MACF1: variants seen among roughly 807,000 people sequenced by gnomAD.
MACF1 encodes the protein microtubule actin crosslinking factor 1, also known as microtubule-actin cross-linking factor 1.
MACF1 carries 193 observed loss-of-function variants against 854.8 expected under a neutral mutation model. The observed-to-expected ratio is 0.23, with a 90% CI of 0.20 to 0.25. The LOEUF (loss-of-function observed/expected upper bound fraction) is 0.25, where lower values mean the gene tolerates loss of function less well. Ranked by LOEUF, MACF1 falls within the 10% of genes least tolerant of loss-of-function variation. The pLI is 1.00. For missense variants in MACF1, 7,722 were observed against 8,929.1 expected (o/e 0.86, Z 5.45); for synonymous variants, 3,185 against 3,226.7 (o/e 0.99, Z 0.44).
rs372689381 is a variant in MACF1 at position 39,334,868 on chromosome 1, A to G, written c.8280A>G (p.Gln2760=). ...LISPELANMI[Q]IDSSEFSDHR... ...GCCCTGAACTGGCAAATATGATCCA[A>G]ATAGATAGTTCAGAGTTCAGCGATC... is the stretch of plus-strand genomic sequence containing the variant. The change falls in exon 37 of 101, where the codon CAA becomes CAG. Residue 2760 remains glutamine (Q), a synonymous_variant. Coordinates refer to ENST00000564288, the MANE Select transcript of MACF1 (RefSeq NM_001394062.1). 16 of 1,614,088 alleles carry G rather than the reference A, an allele frequency of 9.9e-6. No individual in the cohort carries two copies. Among genetic ancestry groups the G allele is most frequent in the Admixed American group, 6.7e-5 (4 of 60,004 alleles).
At chr1:39,133,942 C>T (rs472310) in intron 2 of MACF1, among the ~76,000 whole-genome samples, 143,648 of 152,008 alleles carry the variant, frequency 0.95, 67,950 homozygotes, top group East Asian at 1. Context: ...TTTGTGAATA[C>T]TACGAACAGC....
In MACF1 at chr1:39,310,248, C is replaced by G. The variant is rs1646273803; in HGVS notation, c.2920C>G (p.Arg974Gly). The change falls in exon 25 of 101, where the codon CGA (arginine) becomes GGA (glycine). Residue 974 changes from arginine to glycine, a missense_variant. Arg to Gly is a moderately radical substitution (Grantham distance 125). Transcript: ENST00000564288. ...TCTTCTGGCTTTTTCTTTCTAGCTT[C>G]GATCCTCAGCACCAGGGGAGTGCCA... ...LVQTWNLEKL[R>G]SSAPGECHQI... 1 of 1,604,422 alleles carries G rather than the reference C, an allele frequency of 6.2e-7. No homozygotes were observed. The highest frequency in any genetic ancestry group is 2.2e-5 in the East Asian group (1 of 44,768).
Position 39,361,624 on chromosome 1 carries a change from G to T in MACF1, c.12718G>T (p.Ala4240Ser). ...QFMENKSRML[A>S]SGNQPDQDIT... ...CATGGAAAACAAAAGTCGGATGCTG[G>T]CCTCTGGAAATCAGCCAGATCAAGA... Residue 4240 changes from alanine (A) to serine (S), a missense_variant, in exon 49 of 101, where the codon GCC becomes TCC. Ala to Ser is a moderately conservative substitution (Grantham distance 99). Coordinates refer to ENST00000564288, the MANE Select transcript of MACF1 (RefSeq NM_001394062.1). 6.2e-7 allele frequency: 1 copy of T among 1,614,166 alleles called. No homozygotes were observed. The highest frequency in any genetic ancestry group is 8.5e-7 in the Non-Finnish European group (1 of 1,180,032).
chr1:39,415,525 AT>A (rs552780376), intron 58 of MACF1, among the ~76,000 whole-genome samples: 4,504 of 134,512 alleles, frequency 0.033, 205 homozygotes, highest in African/African-American at 0.11. Flanking sequence ...TATATATATA[AT>A]TTTTTTTTTT....
At chr1:39,146,964 T>A (rs1017752207) in intron 2 of MACF1, among the ~76,000 whole-genome samples, 16 of 152,268 alleles carry the variant, frequency 1.1e-4, no homozygotes, top group African/African-American at 3.9e-4. Context: ...CATAAATATA[T>A]ACACCTACTG....
In MACF1 at chr1:39,333,854, A is replaced by C; in HGVS notation, c.7266A>C (p.Val2422=). The C allele has an allele frequency of 6.2e-7, 1 of 1,614,236 alleles. No homozygotes were observed. The highest frequency in any genetic ancestry group is 8.5e-7 in the Non-Finnish European group (1 of 1,180,042). ...IDLKRGKKVS[V]TLASTLGLVD... is the part of the protein sequence containing the mutation. ...TGAAACGAGGCAAAAAAGTTTCAGT[A>C]ACTTTGGCCTCAACTCTTGGCTTGG... The change falls in exon 37 of 101, where the codon GTA becomes GTC. Residue 2422 remains valine, a synonymous_variant. Coordinates refer to ENST00000564288, the MANE Select transcript of MACF1 (RefSeq NM_001394062.1).
At chr1:39,123,542 G>A (rs1642774950) in intron 2 of MACF1, among the ~76,000 whole-genome samples, 1 of 149,420 alleles carries the variant, frequency 6.7e-6, no homozygotes, top group South Asian at 2.1e-4. Flanking sequence ...ATTCCCAGGT[G>A]ATTTTTTTTT....
intron 2 of MACF1, among the ~76,000 whole-genome samples, chr1:39,177,759 A>G (rs189901053): frequency 3.3e-5 from 5 of 152,228 alleles, no homozygotes; most frequent in Admixed American, 1.3e-4. Flanking sequence ...TTCCTTTGCC[A>G]TCTATACCAG....
At chr1:39,133,199 T>C (rs986027791) in intron 2 of MACF1, among the ~76,000 whole-genome samples, 1 of 152,202 alleles carries the variant, frequency 6.6e-6, no homozygotes, top group Non-Finnish European at 1.5e-5. Flanking sequence ...ACTTGGCTGC[T>C]TCCACCCTGG....
chr1:39,373,844 C>T (rs936250029), intron 52 of MACF1, among the ~76,000 whole-genome samples: 13 of 149,496 alleles, frequency 8.7e-5, no homozygotes, highest in African/African-American at 3.0e-4. Context: ...CGGACGGAGA[C>T]CCCATCTCAA....
Position 39,372,508 on chromosome 1 carries a change from A to T in MACF1, c.13125A>T (p.Gly4375=). The T allele has an allele frequency of 1.9e-6, 3 of 1,613,548 alleles. No individual in the cohort carries two copies. The highest frequency in any genetic ancestry group is 1.7e-6 in the Non-Finnish European group (2 of 1,179,552). ...KSLLDDWASK[G]TLVEEINCKG... ...TACTAGATGACTGGGCAAGTAAGGG[A>T]ACTCTGGTGGAAGAAATCAATTGCA... is the stretch of plus-strand genomic sequence containing the variant. Residue 4375 remains glycine, a synonymous_variant, in exon 52 of 101, where the codon GGA becomes GGT. Transcript: ENST00000564288.
intron 2 of MACF1, among the ~76,000 whole-genome samples, chr1:39,127,887 CAT>C (rs1471082685): frequency 6.6e-6 from 1 of 152,038 alleles, no homozygotes; most frequent in Non-Finnish European, 1.5e-5. Context: ...GAGGAAAAAA[CAT>C]AGGCCTGCTA....
chr1:39,299,918 G>A (rs560176148), intron 21 of MACF1, among the ~76,000 whole-genome samples: 1 of 152,322 alleles, frequency 6.6e-6, no homozygotes, highest in South Asian at 2.1e-4. Context: ...GTATTTGGAA[G>A]CTAGAAGTAT....
chr1:39,100,904 ATG>A (rs200682108), intron 2 of MACF1, among the ~76,000 whole-genome samples: 11,881 of 140,764 alleles, frequency 0.084, 538 homozygotes, highest in Non-Finnish European at 0.1. Flanking sequence ...AAATATACAA[ATG>A]CACGCGCGCG....
intron 29 of MACF1, among the ~76,000 whole-genome samples, chr1:39,317,666 C>T (rs1424739973): frequency 6.6e-6 from 1 of 152,200 alleles, no homozygotes; most frequent in Non-Finnish European, 1.5e-5. Context: ...GGAATGTAGA[C>T]TTGAAAGGTC....
rs1418126160 is a variant in MACF1, at chr1:39,442,025, C to T, written c.18746C>T (p.Thr6249Ile). Reference protein sequence around the residue: ...TMPPVGTDLNTVKDQLNEMKE... With the variant: ...TMPPVGTDLNIVKDQLNEMKE... Reference sequence around the variant, plus strand: ...CCCCCTGTTGGCACTGACCTCAATACTGTTAAAGATCAGTTAAATGAAATG... The same window carrying T: ...CCCCCTGTTGGCACTGACCTCAATATTGTTAAAGATCAGTTAAATGAAATG... The change falls in exon 75 of 101, where the codon ACT becomes ATT. Residue 6249 changes from threonine to isoleucine, a missense_variant. Thr to Ile is a moderately conservative substitution (Grantham distance 89). Transcript: ENST00000564288. 1 of 1,613,794 alleles carries T rather than the reference C, an allele frequency of 6.2e-7. No individual in the cohort carries two copies. The highest frequency in any genetic ancestry group is 8.5e-7 in the Non-Finnish European group (1 of 1,179,902).
chr1:39,423,421 G>T (rs1172289729), intron 60 of MACF1, among the ~76,000 whole-genome samples: 1 of 152,026 alleles, frequency 6.6e-6, no homozygotes, highest in African/African-American at 2.4e-5. Flanking sequence ...GGATCACAAG[G>T]TCAGGAGATC....
intron 68 of MACF1, 61 bp downstream of exon 68, chr1:39,433,216 A>G (rs1469211578): frequency 1.9e-6 from 2 of 1,037,472 alleles, no homozygotes; most frequent in Non-Finnish European, 2.9e-6. Flanking sequence ...AATTAGAAGC[A>G]CAATTGTGAA....
At chr1:39,162,685 T>C (rs1643825406) in intron 2 of MACF1, among the ~76,000 whole-genome samples, 1 of 152,166 alleles carries the variant, frequency 6.6e-6, no homozygotes, top group Non-Finnish European at 1.5e-5. Context: ...AGGCTTCAGT[T>C]TTTTCATTTG....
Sources: allele counts gnomAD v4.1 joint callset (sites outside exome capture counted in the v4.1 genomes callset), GRCh38; gene constraint gnomAD v4.1.1; transcripts MANE v1.5; gene names NCBI Gene and HGNC (gene_info 2026-07-23, HGNC 2026-07-21).